The following BICD1 variants were observed in gnomAD, a reference collection of about 807,000 sequenced individuals.
BICD1 encodes the protein protein bicaudal D homolog 1.
Under a neutral mutation model 92.5 loss-of-function variants are expected in BICD1, and 35 were observed. That is an observed-to-expected ratio of 0.38 (90% CI 0.29 to 0.50). The LOEUF is 0.50. Among genes scored for constraint, BICD1 ranks in the 20% least tolerant of loss-of-function variants. The pLI is 0.93. For missense variants in BICD1, 950 were observed against 1,189.8 expected, an observed-to-expected ratio of 0.80 and a Z score of 2.97; for synonymous variants, 429 against 465.1, an observed-to-expected ratio of 0.92 and a Z score of 1.00.
chr12:32,372,826 G>A (rs1002972301), intron 9 of BICD1, among the ~76,000 whole-genome samples: 2 of 152,150 alleles, frequency 1.3e-5, no homozygotes, highest in East Asian at 1.9e-4. Flanking sequence ...GCAGTGAGCC[G>A]AGATTGTGCC....
At chr12:32,355,457 A>G (rs1161913457) in intron 8 of BICD1, among the ~76,000 whole-genome samples, 3 of 152,192 alleles carry the variant, frequency 2.0e-5, no homozygotes, top group Admixed American at 2.0e-4. Flanking sequence ...TAGTGTGGCT[A>G]GAGAGAATAG....
Position 32,226,479 on chromosome 12 carries a change from T to C in BICD1, c.426+10020T>C, listed in dbSNP as rs190659345. Among the ~76,000 whole-genome samples, 4 of 152,322 alleles carry C rather than the reference T, an allele frequency of 2.6e-5. No homozygotes were observed. The East Asian group carries it at 7.7e-4, about 29-fold the overall frequency. ...ATATATTAACTGGATTTTTGTCAAA[T>C]AGAGAATTATCTTTAAATAACCATC... On this transcript the variant is annotated intron_variant, in intron 2 of 9. Coordinates refer to ENST00000652176, the MANE Select transcript of BICD1 (RefSeq NM_001714.4).
chr12:32,268,243 G>A (rs1238119401), intron 2 of BICD1, among the ~76,000 whole-genome samples: 1 of 152,198 alleles, frequency 6.6e-6, no homozygotes, highest in Non-Finnish European at 1.5e-5. Context: ...AATGTCAACA[G>A]AAGTTGTTTT....
intron 2 of BICD1, among the ~76,000 whole-genome samples, chr12:32,271,510 A>G (rs751167303): frequency 5.3e-5 from 8 of 152,174 alleles, no homozygotes; most frequent in African/African-American, 1.7e-4. Flanking sequence ...GAGATAAAAG[A>G]TCCCTTGATT....
chr12:32,239,597 A>G (rs1055123813), intron 2 of BICD1, among the ~76,000 whole-genome samples: 1 of 150,444 alleles, frequency 6.6e-6, no homozygotes, highest in African/African-American at 2.4e-5. Flanking sequence ...TTAACACTCA[A>G]GTGTTTTTGG....
intron 1 of BICD1, among the ~76,000 whole-genome samples, chr12:32,122,965 G>A (rs1942207021): frequency 6.6e-6 from 1 of 152,202 alleles, no homozygotes; most frequent in Non-Finnish European, 1.5e-5. Flanking sequence ...TAATGATTCA[G>A]TGTCAGATTT....
At chr12:32,375,829 A>C (rs1262535083) in intron 9 of BICD1, among the ~76,000 whole-genome samples, 1 of 152,164 alleles carries the variant, frequency 6.6e-6, no homozygotes, top group Non-Finnish European at 1.5e-5. Flanking sequence ...AAATTATTTA[A>C]TACTAATTTT....
intron 1 of BICD1, among the ~76,000 whole-genome samples, chr12:32,184,790 TTCTC>T (rs1394938640): frequency 6.6e-6 from 1 of 152,234 alleles, no homozygotes; most frequent in Non-Finnish European, 1.5e-5. Flanking sequence ...GATACCTAAA[TTCTC>T]TCTTCAACTC....
intron 2 of BICD1, among the ~76,000 whole-genome samples, chr12:32,290,699 A>G (rs1293579395): frequency 1.3e-5 from 2 of 152,162 alleles, no homozygotes; most frequent in Non-Finnish European, 2.9e-5. Context: ...AAGTCCTTGG[A>G]CTGCCTTTAG....
chr12:32,285,367 A>C (rs1207850594), intron 2 of BICD1, among the ~76,000 whole-genome samples: 1 of 152,146 alleles, frequency 6.6e-6, no homozygotes, highest in African/African-American at 2.4e-5. Context: ...CCTGTTTTGC[A>C]GATAGTAAAC....
At chr12:32,265,037 C>T (rs1198424003) in intron 2 of BICD1, among the ~76,000 whole-genome samples, 1 of 152,062 alleles carries the variant, frequency 6.6e-6, no homozygotes, top group Admixed American at 6.6e-5. Context: ...TACTCTGCAA[C>T]TTCCAGCTGC....
At chr12:32,142,917 T>C (rs1044863788) in intron 1 of BICD1, among the ~76,000 whole-genome samples, 14 of 152,220 alleles carry the variant, frequency 9.2e-5, no homozygotes, top group Non-Finnish European at 1.6e-4. Context: ...GTGTTCACAG[T>C]GGCACTCCAT....
chr12:32,259,323 T>C (rs1360809473), intron 2 of BICD1, among the ~76,000 whole-genome samples: 1 of 152,236 alleles, frequency 6.6e-6, no homozygotes, highest in Non-Finnish European at 1.5e-5. Flanking sequence ...GTTTCTTGCC[T>C]TGGCACCTGG....
chr12:32,166,245 C>G, intron 1 of BICD1, among the ~76,000 whole-genome samples: 1 of 151,934 alleles, frequency 6.6e-6, no homozygotes, highest in African/African-American at 2.4e-5. Context: ...AAGCGATTCT[C>G]CTGCCTTAGT....
chr12:32,222,064 T>C (rs946729128), intron 2 of BICD1, among the ~76,000 whole-genome samples: 6 of 152,200 alleles, frequency 3.9e-5, no homozygotes, highest in African/African-American at 1.4e-4. Context: ...AATAGGATAA[T>C]GAAACTTAAT....
chr12:32,311,334 A>T (rs898162798), intron 4 of BICD1, among the ~76,000 whole-genome samples: 1 of 133,806 alleles, frequency 7.5e-6, no homozygotes, highest in Admixed American at 7.4e-5. Context: ...CATCTCTACT[A>T]AAAAAAATAC....
chr12:32,311,220 G>A (rs1439450048), intron 4 of BICD1, among the ~76,000 whole-genome samples: 3 of 152,174 alleles, frequency 2.0e-5, no homozygotes, highest in African/African-American at 4.8e-5. Flanking sequence ...ACATTGGGCC[G>A]GGTGCGGTGG....
At chr12:32,115,155 C>A (rs1472537184) in intron 1 of BICD1, among the ~76,000 whole-genome samples, 6 of 152,054 alleles carry the variant, frequency 3.9e-5, no homozygotes, top group Non-Finnish European at 7.4e-5. Flanking sequence ...TTGCACCCAG[C>A]CTTTTCTATT....
At chr12:32,369,897 C>T (rs926637866) in intron 9 of BICD1, among the ~76,000 whole-genome samples, 3 of 151,928 alleles carry the variant, frequency 2.0e-5, no homozygotes. Context: ...CAGAGTGAGA[C>T]CCTGTCTCAA....
Sources: gnomAD v4.1 joint callset for allele counts (sites outside exome capture counted in the v4.1 genomes callset) on GRCh38, gnomAD v4.1.1 for gene constraint, MANE v1.5 for transcripts, NCBI Gene and HGNC (gene_info 2026-07-23, HGNC 2026-07-21) for gene names.